Variants in MYO18A observed in about 807,000 individuals in gnomAD.
MYO18A encodes the protein myosin XVIIIA.
A neutral mutation model predicts 235.8 loss-of-function variants in MYO18A; 78 were observed. The observed-to-expected ratio is 0.33, with a 90% confidence interval of 0.28 to 0.40. MYO18A has a LOEUF of 0.40. Among genes scored for constraint, MYO18A ranks in the 10% least tolerant of loss-of-function variants. MYO18A has a pLI of 1.00. For missense variants in MYO18A, 2,215 were observed against 2,699.3 expected (o/e 0.82, Z 3.98); for synonymous variants, 977 against 1,077.8 (o/e 0.91, Z 1.83).
chr17:29,178,195 G>A (rs2068574972), intron 1 of MYO18A, among the ~76,000 whole-genome samples: 1 of 152,188 alleles, frequency 6.6e-6, no homozygotes, highest in Admixed American at 6.5e-5. Flanking sequence ...GAGAGACCAG[G>A]TGGGAGTCAG....
At chr17:29,075,289 A>G (rs2065947311) in intron 41 of MYO18A, 1 of 208,858 alleles carries the variant, frequency 4.8e-6, no homozygotes, top group Non-Finnish European at 1.1e-5. Context: ...CAGTCCGTGA[A>G]CCACATTGGC....
At chr17:29,097,980 C>G in intron 25 of MYO18A, 81 bp from the exon 26 acceptor site, 1 of 1,572,230 alleles carries the variant, frequency 6.4e-7, no homozygotes, top group East Asian at 2.2e-5. Context: ...TGATCACATG[C>G]TTACCAAGGG....
At position 29,093,439 on chromosome 17, in the gene MYO18A, T is replaced by C. The variant is rs1332910698; in HGVS notation, c.4822-12A>G. 1.2e-6 allele frequency: 2 copies of C among 1,602,742 alleles called. No homozygotes were observed. Among genetic ancestry groups the C allele is most frequent in the South Asian group, 1.1e-5 (1 of 90,778 alleles). On this transcript the variant is annotated splice_polypyrimidine_tract_variant and intron_variant, in intron 31 of 41. Coordinates refer to ENST00000527372, the MANE Select transcript of MYO18A (RefSeq NM_078471.4). Reference sequence around the variant, plus strand: ...TCCATCTGTTTTAACTGGAGTACCATGGGGACAGAGACCCGTCCGTCCCTT... The same window carrying C: ...TCCATCTGTTTTAACTGGAGTACCACGGGGACAGAGACCCGTCCGTCCCTT...
At chr17:29,145,729 A>C (rs1362184903) in intron 2 of MYO18A, among the ~76,000 whole-genome samples, 2 of 152,202 alleles carry the variant, frequency 1.3e-5, no homozygotes, top group African/African-American at 4.8e-5. Context: ...TCCTGATTTA[A>C]AAAAATGTAC....
chr17:29,088,052 C>CTTT (rs1040172315), intron 37 of MYO18A, among the ~76,000 whole-genome samples: 33 of 124,616 alleles, frequency 2.6e-4, no homozygotes, highest in Admixed American at 4.2e-4. Flanking sequence ...AAAATAAATT[C>CTTT]TTTTTTTTTT....
intron 2 of MYO18A, chr17:29,133,855 T>C: frequency 7.8e-7 from 1 of 1,289,334 alleles, no homozygotes; most frequent in Non-Finnish European, 1.0e-6. Flanking sequence ...AGGTAACCTG[T>C]GCCCTGGGTC....
At position 29,098,340 on chromosome 17, in the gene MYO18A, G is replaced by T; in HGVS notation, c.3870+16C>A. ...TGCAGCCATGCCCAGTCGGTGTGGT[G>T]CCAGGAGTCACTCACCCGGCTCTCC... On this transcript the variant is annotated intron_variant, in intron 24 of 41. Transcript: ENST00000527372. The T allele has an allele frequency of 6.2e-7, 1 of 1,613,504 alleles. No homozygotes were observed.
intron 2 of MYO18A, among the ~76,000 whole-genome samples, chr17:29,123,548 GCTTTAGACAGATC>G (rs930296487): frequency 6.6e-6 from 1 of 152,218 alleles, no homozygotes. Context: ...TTGGCTTCTG[GCTTTAGACAGATC>G]CCTCCAGTGC....
At chr17:29,148,890 A>G (rs2067908070) in intron 2 of MYO18A, among the ~76,000 whole-genome samples, 1 of 152,180 alleles carries the variant, frequency 6.6e-6, no homozygotes, top group Non-Finnish European at 1.5e-5. Context: ...GGGCCGAGTC[A>G]GCCCCAGGCC....
intron 2 of MYO18A, among the ~76,000 whole-genome samples, chr17:29,143,331 C>T (rs1003224723): frequency 2.0e-5 from 3 of 152,118 alleles, no homozygotes; most frequent in African/African-American, 4.8e-5. Flanking sequence ...CTCCTGGGCT[C>T]AGCCCATCCT....
intron 40 of MYO18A, among the ~76,000 whole-genome samples, chr17:29,084,800 T>TA (rs879802427): frequency 0.014 from 2,137 of 148,516 alleles, 26 homozygotes; most frequent in Middle Eastern, 0.038. Context: ...AATGCCATGC[T>TA]AAAAAAAAAA....
chr17:29,175,632 G>A (rs768897801), intron 1 of MYO18A, among the ~76,000 whole-genome samples: 2 of 151,436 alleles, frequency 1.3e-5, no homozygotes, highest in Non-Finnish European at 2.9e-5. Context: ...CCAAAGTCCT[G>A]GGATTACAGG....
In MYO18A at chr17:29,180,081, C is replaced by T. The variant is rs1007435915; in HGVS notation, c.-82+232G>A. On this transcript the variant is annotated intron_variant, in intron 1 of 41. Coordinates refer to ENST00000527372, the MANE Select transcript of MYO18A (RefSeq NM_078471.4). The surrounding 1 kb of genome is among the most constrained non-coding windows in gnomAD (Gnocchi z 6.1). Reference sequence around the variant, plus strand: ...AGGTTGGCTGGAAGGGCCGGTGGTTCCCCCTTCCCCGCCGCTCCCGATCGG... The same window carrying T: ...AGGTTGGCTGGAAGGGCCGGTGGTTTCCCCTTCCCCGCCGCTCCCGATCGG... 6.6e-6 allele frequency among the ~76,000 whole-genome samples: 1 copy of T among 151,390 alleles called. No homozygotes were observed. The highest frequency in any genetic ancestry group is 2.4e-5 in the African/African-American group (1 of 41,372).
Position 29,115,433 on chromosome 17 carries a change from G to T in MYO18A, c.2236C>A (p.Leu746Met). The T allele has an allele frequency of 1.2e-6, 2 of 1,613,712 alleles. No homozygotes were observed. The highest frequency in any genetic ancestry group is 2.2e-5 in the South Asian group (2 of 91,052). Residue 746 changes from leucine to methionine, a missense_variant, in exon 13 of 42, where the codon CTG becomes ATG. By Grantham distance (15) the Leu-to-Met change is conservative. Transcript: ENST00000527372. The stretch of plus-strand genomic sequence containing the variant: ...CCCTCAAGGCACTCCAGTGCACTCA[G>T]TTTCGGGCCTGTGGGGCAGGGGGAG... Reference protein sequence around the residue: ...SGLGDGTGPKLSALECLEGMA... With the variant: ...SGLGDGTGPKMSALECLEGMA...
Position 29,177,530 on chromosome 17 carries a change from A to G in MYO18A, c.-82+2783T>C, listed in dbSNP as rs376180409. Among the ~76,000 whole-genome samples the G allele has an allele frequency of 2.9e-4, 44 of 151,942 alleles. 2 individuals carry two copies. The East Asian group carries it at 6.8e-3, about 23-fold the overall frequency. On this transcript the variant is annotated intron_variant, in intron 1 of 41. Transcript: ENST00000527372. ...CAGCTCCTACCTCGGCACCTCCCCA[A>G]CTCCTCTAATTCAGGCCACCTTGGA...
chr17:29,114,680 G>A (rs1010338746), intron 14 of MYO18A, among the ~76,000 whole-genome samples: 1 of 152,196 alleles, frequency 6.6e-6, no homozygotes, highest in Non-Finnish European at 1.5e-5. Flanking sequence ...CCTCCTGGGG[G>A]CCCTCAATGC....
In MYO18A at chr17:29,130,299, CAAAAAAA is replaced by C. The variant is rs564370108; in HGVS notation, c.1000-8053_1000-8047del. Among the ~76,000 whole-genome samples the C allele has an allele frequency of 2.3e-4, 13 of 55,914 alleles. No individual in the cohort carries two copies. In the South Asian group the frequency reaches 2.5e-3, roughly 11 times the overall value. 36.7% of individuals were successfully genotyped at this position (55,914 alleles called of 152,430 possible). A position where few individuals can be genotyped will look rare whatever the true frequency, so the allele number is the denominator to read the frequency against. ...TGGGTGACAGAGTAAAACCCTGTCT[CAAAAAAA>C]AAAAAAAAAAAAAAAAAGAAAAGAA... On this transcript the variant is annotated intron_variant, in intron 2 of 41. Transcript: ENST00000527372.
chr17:29,082,268 T>C (rs2066140031), intron 41 of MYO18A, 48 bp downstream of exon 41: 6 of 1,611,820 alleles, frequency 3.7e-6, no homozygotes, highest in Middle Eastern at 1.6e-4. Context: ...TGTCCATTCC[T>C]TGTGGCACAA....
At chr17:29,161,355 CAAAAAAAAA>C (rs1175565325) in intron 2 of MYO18A, among the ~76,000 whole-genome samples, 2 of 50,310 alleles carry the variant, frequency 4.0e-5, no homozygotes, top group African/African-American at 6.6e-5. Flanking sequence ...AACTCCATGT[CAAAAAAAAA>C]AAAAAAAAAA....
Sources: gnomAD v4.1 joint callset for allele counts (sites outside exome capture counted in the v4.1 genomes callset) on GRCh38, gnomAD v4.1.1 for gene constraint, Gnocchi (gnomAD v3.1) non-coding constraint, MANE v1.5 for transcripts, NCBI Gene and HGNC (gene_info 2026-07-23, HGNC 2026-07-21) for gene names.